The following FAM186A variants were observed in gnomAD, a reference collection of about 807,000 sequenced individuals.
FAM186A encodes family with sequence similarity 186 member A.
In FAM186A, 163 loss-of-function variants were observed where a neutral mutation model predicts 216.8. The observed-to-expected ratio is 0.75, with a 90% CI of 0.66 to 0.86. The LOEUF (loss-of-function observed/expected upper bound fraction) is 0.86. Among genes scored for constraint, FAM186A ranks in the 40% least tolerant of loss-of-function variants. FAM186A has a pLI of 0.00. For missense variants in FAM186A, 2,184 were observed against 2,746.2 expected (o/e 0.80, Z 4.58); for synonymous variants, 805 against 1,025.3 (o/e 0.79, Z 4.10).
chr12:50,379,472 AC>A (rs71083554), intron 1 of FAM186A, among the ~76,000 whole-genome samples: 79,207 of 115,514 alleles, frequency 0.69, 23,745 homozygotes, highest in Middle Eastern at 0.76. Flanking sequence ...AGAGGGAAAA[AC>A]AAAAACAAAA....
At chr12:50,385,850 T>A (rs902448345) in intron 1 of FAM186A, among the ~76,000 whole-genome samples, 66 of 150,574 alleles carry the variant, frequency 4.4e-4, no homozygotes, top group African/African-American at 1.6e-3. Context: ...TGCAGTGAGT[T>A]GAGATCGCAC....
intron 1 of FAM186A, among the ~76,000 whole-genome samples, chr12:50,390,281 G>A (rs1943345519): frequency 2.6e-5 from 4 of 152,144 alleles, no homozygotes; most frequent in Admixed American, 2.6e-4. Flanking sequence ...TACAAGGTCA[G>A]CAGAAAAAGT....
At chr12:50,390,743 G>C (rs1430633827) in intron 1 of FAM186A, among the ~76,000 whole-genome samples, 1 of 152,054 alleles carries the variant, frequency 6.6e-6, no homozygotes, top group Non-Finnish European at 1.5e-5. Flanking sequence ...AAGGATGCCG[G>C]GGCTTCCTTC....
rs1565895122 is a variant in FAM186A at position 50,379,468 on chromosome 12, AAAAACAAAAACAAAAAC to A, written c.193-16121_193-16105del. 3.1e-3 allele frequency among the ~76,000 whole-genome samples: 24 copies of A among 7,794 alleles called. No homozygotes were observed. The South Asian group carries it at 0.36, about 117-fold the overall frequency. The allele number at this position is 7,794 out of a possible 152,430, so 5.1% of individuals were successfully genotyped here. On this transcript the variant is annotated intron_variant, in intron 1 of 7. Transcript: ENST00000327337. ...AAAAAAAAGAAAGAAAAAAAGAGGG[AAAAACAAAAACAAAAAC>A]AAAAAAAAACTAAAGCACAGGCCGG...
chr12:50,364,273 G>A (rs2136098283), intron 1 of FAM186A, among the ~76,000 whole-genome samples: 1 of 152,130 alleles, frequency 6.6e-6, no homozygotes, highest in East Asian at 1.9e-4. Context: ...ATAAACACAA[G>A]GCTGGGTGCG....
chr12:50,375,241 G>A (rs1029923463), intron 1 of FAM186A, among the ~76,000 whole-genome samples: 3 of 151,620 alleles, frequency 2.0e-5, no homozygotes, highest in African/African-American at 4.8e-5. Context: ...TTACACTAGC[G>A]ATATACAATT....
chr12:50,386,545 T>A (rs1943305652), intron 1 of FAM186A, among the ~76,000 whole-genome samples: 1 of 152,050 alleles, frequency 6.6e-6, no homozygotes, highest in Non-Finnish European at 1.5e-5. Context: ...ACACCACACA[T>A]AAACCGTTTT....
intron 1 of FAM186A, among the ~76,000 whole-genome samples, chr12:50,370,290 T>TG (rs1451238600): frequency 1.3e-5 from 2 of 151,140 alleles, no homozygotes; most frequent in East Asian, 3.9e-4. Context: ...GGCGACAGAG[T>TG]GACACTCCAT....
intron 4 of FAM186A, among the ~76,000 whole-genome samples, chr12:50,348,860 T>C (rs1942847711): frequency 6.6e-6 from 1 of 152,156 alleles, no homozygotes; most frequent in Non-Finnish European, 1.5e-5. Context: ...GTGGCCATTT[T>C]TTTGTTTGTT....
chr12:50,333,815 A>G, intron 5 of FAM186A, 96 bp downstream of exon 5: 1 of 1,188,534 alleles, frequency 8.4e-7, no homozygotes, highest in East Asian at 2.6e-5. Context: ...CAGGAAAGTA[A>G]TATGACATGG....
At chr12:50,344,362 T>A (rs562251131) in intron 4 of FAM186A, among the ~76,000 whole-genome samples, 47 of 152,124 alleles carry the variant, frequency 3.1e-4, no homozygotes, top group Non-Finnish European at 6.0e-4. Context: ...AGCAAGAATG[T>A]CGGTATTTGG....
chr12:50,362,915 C>A (rs1258086613), intron 2 of FAM186A, among the ~76,000 whole-genome samples: 1 of 152,048 alleles, frequency 6.6e-6, no homozygotes, highest in Non-Finnish European at 1.5e-5. Flanking sequence ...CATAAAAACA[C>A]GGCTGGCATG....
Position 50,371,915 on chromosome 12 carries a change from C to T in FAM186A, c.193-8551G>A, listed in dbSNP as rs1025218662. Among the ~76,000 whole-genome samples the T allele has an allele frequency of 3.3e-5, 5 of 151,868 alleles. No homozygotes were observed. In the South Asian group the frequency reaches 6.2e-4, roughly 19 times the overall value. ...GCAACATCGGCCTCCTGGGTTCAAGCGATTCTCCTGCCTCAGCCTCCCAAG... is the reference window on the plus strand; with the variant it reads ...GCAACATCGGCCTCCTGGGTTCAAGTGATTCTCCTGCCTCAGCCTCCCAAG... On this transcript the variant is annotated intron_variant, in intron 1 of 7. Coordinates refer to ENST00000327337, the MANE Select transcript of FAM186A (RefSeq NM_001145475.3).
rs11169392 is a variant in FAM186A, at chr12:50,358,466, C to T, written c.584-2218G>A. Reference sequence around the variant, plus strand: ...GGTGTGGTAGCACACACCTGTAGTCCCAGCTACTCAGGAGACTGAGGCAGG... The same window carrying T: ...GGTGTGGTAGCACACACCTGTAGTCTCAGCTACTCAGGAGACTGAGGCAGG... On this transcript the variant is annotated intron_variant, in intron 3 of 7. Coordinates refer to ENST00000327337, the MANE Select transcript of FAM186A (RefSeq NM_001145475.3). Among the ~76,000 whole-genome samples, 735 of 152,064 alleles carry T rather than the reference C, an allele frequency of 4.8e-3. 2 individuals are homozygous for T. The highest frequency in any genetic ancestry group is 7.7e-3 in the Non-Finnish European group (524 of 67,996).
At chr12:50,377,183 T>C (rs1943206228) in intron 1 of FAM186A, among the ~76,000 whole-genome samples, 2 of 152,178 alleles carry the variant, frequency 1.3e-5, no homozygotes, top group Non-Finnish European at 2.9e-5. Flanking sequence ...CAGGACAGTA[T>C]GGTATTGGTG....
chr12:50,393,075 C>T (rs1328801398), intron 1 of FAM186A, among the ~76,000 whole-genome samples: 3 of 150,520 alleles, frequency 2.0e-5, no homozygotes, highest in Admixed American at 6.6e-5. Context: ...TACAGGCGCC[C>T]GCCACCACGC....
At chr12:50,373,067 GAA>G (rs747134707) in intron 1 of FAM186A, among the ~76,000 whole-genome samples, 2 of 142,138 alleles carry the variant, frequency 1.4e-5, no homozygotes, top group African/African-American at 2.6e-5. Context: ...AAGAAAGAAA[GAA>G]AGAAAGAGAA....
At position 50,396,552 on chromosome 12, in the gene FAM186A, A is replaced by G. The variant is rs1289752162; in HGVS notation, c.-68T>C. 4 of 1,440,296 alleles carry G rather than the reference A, an allele frequency of 2.8e-6. No homozygotes were observed. The highest frequency in any genetic ancestry group is 9.3e-7 in the Non-Finnish European group (1 of 1,073,524). 89.2% of individuals were successfully genotyped at this position (1,440,296 alleles called of 1,614,324 possible). A position where few individuals can be genotyped will look rare whatever the true frequency, so the allele number is the denominator to read the frequency against. The stretch of plus-strand genomic sequence containing the variant: ...AGAATCTACAAAAATGCTAATAAAG[A>G]TATCCAGTAGGAAGCTAGGAGAGGT... On this transcript the variant is annotated 5_prime_UTR_variant, in exon 1 of 8. Coordinates refer to ENST00000327337, the MANE Select transcript of FAM186A (RefSeq NM_001145475.3).
chr12:50,381,113 G>T (rs910889157), intron 1 of FAM186A, among the ~76,000 whole-genome samples: 3 of 152,198 alleles, frequency 2.0e-5, no homozygotes, highest in Non-Finnish European at 2.9e-5. Flanking sequence ...CCCCAAAGAG[G>T]GTGTCGCAGC....
Sources: gnomAD v4.1 joint callset for allele counts (sites outside exome capture counted in the v4.1 genomes callset) on GRCh38, gnomAD v4.1.1 for gene constraint, MANE v1.5 for transcripts, NCBI Gene and HGNC (gene_info 2026-07-23, HGNC 2026-07-21) for gene names.